Variants in NEB observed in about 807,000 individuals in gnomAD.
NEB encodes the protein nemaline myopathy type 2.
NEB carries 512 observed loss-of-function variants against 952.2 expected under a neutral mutation model. That is an observed-to-expected ratio of 0.54 (90% confidence interval 0.50 to 0.58). The LOEUF (loss-of-function observed/expected upper bound fraction) is 0.58. Ranked by LOEUF, NEB falls within the 20% of genes least tolerant of loss-of-function variation. The probability of loss-of-function intolerance (pLI) is 0.00; values close to 1 mark genes in which losing one functional copy is unlikely to be tolerated. For missense variants in NEB, 8,428 were observed against 9,231.1 expected (o/e 0.91, Z 3.56); for synonymous variants, 2,900 against 3,149.8 (o/e 0.92, Z 2.66).
intron 172 of NEB, 122 bp downstream of exon 172, chr2:151,496,819 T>A: frequency 8.2e-7 from 1 of 1,212,836 alleles, no homozygotes; most frequent in Non-Finnish European, 1.2e-6. Flanking sequence ...AAAGGATAAA[T>A]TTGCTAAAGA....
Position 151,709,761 on chromosome 2 carries a change from C to A in NEB, c.930G>T (p.Arg310Ser). The change falls in exon 12 of 182, where the codon AGG (arginine) becomes AGT (serine). Residue 310 changes from arginine (R) to serine (S), a missense_variant and splice_region_variant. By Grantham distance (110) the Arg-to-Ser change is moderately radical. This residue lies in a region of NEB where 2,851 missense variants were observed against 2,791.5 expected (regional missense o/e 1.02). Coordinates refer to ENST00000397345, the MANE Select transcript of NEB (RefSeq NM_001164508.2). ...ARMNADNIST[R>S]KYQEDFENMK... ...TGTTTTCAAAATCTTCCTGGTATTT[C>A]CTCTGTAAGACATCAGACAAGCTGA... 6.3e-7 allele frequency: 1 copy of A among 1,588,190 alleles called. No homozygotes were observed. The highest frequency in any genetic ancestry group is 8.6e-7 in the Non-Finnish European group (1 of 1,164,300).
chr2:151,554,175 C>A, intron 125 of NEB, 150 bp from the exon 126 acceptor site: 1 of 694,146 alleles, frequency 1.4e-6, no homozygotes, highest in Non-Finnish European at 2.5e-6. Context: ...AGATTAACAC[C>A]AAGGGAAATT....
chr2:151,527,126 A>T (rs1420034880), intron 147 of NEB, 104 bp from the exon 148 acceptor site: 1 of 721,326 alleles, frequency 1.4e-6, no homozygotes, highest in Non-Finnish European at 2.3e-6. Context: ...GAGGACAAAG[A>T]CTTGCTACCA....
At chr2:151,616,335 G>GA (rs770513568) in intron 75 of NEB, among the ~76,000 whole-genome samples, 2 of 151,780 alleles carry the variant, frequency 1.3e-5, no homozygotes, top group South Asian at 2.1e-4. Flanking sequence ...AAAATGTGGG[G>GA]AAAAAATCAA....
intron 116 of NEB, 96 bp from the exon 117 acceptor site, chr2:151,565,244 A>G (rs1413681978): frequency 1.3e-6 from 1 of 743,024 alleles, no homozygotes; most frequent in African/African-American, 1.8e-5. Flanking sequence ...TTAAAGATTA[A>G]AACTAACCAA....
intron 170 of NEB, 26 bp downstream of exon 170, chr2:151,498,233 AT>A (rs1052587221): frequency 1.7e-5 from 27 of 1,550,762 alleles, no homozygotes; most frequent in Admixed American, 3.9e-5. Flanking sequence ...GTTAAGTGGC[AT>A]TTTTTCCCCT....
rs974294626 is a variant in NEB at position 151,671,941 on chromosome 2, T to C, written c.4299+428A>G. ...TCCTGGTTAATTTTAGATGACTCATTACAGAGATTTACATGGATGACATTG... is the reference window on the plus strand; with the variant it reads ...TCCTGGTTAATTTTAGATGACTCATCACAGAGATTTACATGGATGACATTG... On this transcript the variant is annotated intron_variant, in intron 37 of 181. Transcript: ENST00000397345. 8.6e-5 allele frequency among the ~76,000 whole-genome samples: 13 copies of C among 151,896 alleles called. No individual in the cohort carries two copies. In the Middle Eastern group the frequency reaches 0.01, roughly 119 times the overall value.
intron 135 of NEB, among the ~76,000 whole-genome samples, chr2:151,545,273 T>C (rs2094534135): frequency 6.6e-6 from 1 of 152,082 alleles, no homozygotes; most frequent in South Asian, 2.1e-4. Context: ...ACAAAAATAA[T>C]AAGTAAAATT....
At position 151,491,692 on chromosome 2, in the gene NEB, T is replaced by G. The variant is rs147872436; in HGVS notation, c.25141A>C (p.Met8381Leu). 3.0e-5 allele frequency: 48 copies of G among 1,590,714 alleles called. No homozygotes were observed. In the African/African-American group the frequency reaches 6.2e-4, roughly 20 times the overall value. ...EDNIQSRSLH[M>L]INVQAQRRSR... ...TTTTCAGCTAACACACCATTAATCA[T>G]GTGTAAGCTTCGGGACTGGATGTTG... Residue 8381 changes from methionine (M) to leucine (L), a missense_variant, in exon 179 of 182, where the codon ATG becomes CTG. Coordinates refer to ENST00000397345, the MANE Select transcript of NEB (RefSeq NM_001164508.2).
At chr2:151,544,177 C>T (rs917250740) in intron 135 of NEB, among the ~76,000 whole-genome samples, 1 of 152,138 alleles carries the variant, frequency 6.6e-6, no homozygotes, top group African/African-American at 2.4e-5. Flanking sequence ...ATTCTTCTTC[C>T]TCAGTGCTGA....
At chr2:151,519,516 G>T (rs2080481918) in intron 154 of NEB, 142 bp downstream of exon 154, 2 of 670,654 alleles carry the variant, frequency 3.0e-6, no homozygotes, top group South Asian at 4.0e-5. Flanking sequence ...TATAGTTTCT[G>T]TTGGTATGAA....
chr2:151,682,434 A>G (rs114570062), intron 29 of NEB, among the ~76,000 whole-genome samples: 92 of 152,376 alleles, frequency 6.0e-4, no homozygotes, highest in African/African-American at 2.1e-3. Flanking sequence ...AACAAGTTAT[A>G]CCTTAATAAA....
Position 151,643,142 on chromosome 2 carries a change from G to T in NEB, c.8160+8C>A. 1 of 1,606,114 alleles carries T rather than the reference G, an allele frequency of 6.2e-7. No individual in the cohort carries two copies. Reference sequence around the variant, plus strand: ...TTAATAACCTCCTCAAACAAACATAGGACTTACATGATTCATGGTAATAGC... The same window carrying T: ...TTAATAACCTCCTCAAACAAACATATGACTTACATGATTCATGGTAATAGC... On this transcript the variant is annotated splice_region_variant and intron_variant, in intron 58 of 181. Coordinates refer to ENST00000397345, the MANE Select transcript of NEB (RefSeq NM_001164508.2).
chr2:151,610,505 A>C lies in NEB; in HGVS notation c.12018+11T>G, dbSNP rs1415777288. 1 of 1,585,686 alleles carries C rather than the reference A, an allele frequency of 6.3e-7. No individual in the cohort carries two copies. Among genetic ancestry groups the C allele is most frequent in the Admixed American group, 1.7e-5 (1 of 59,918 alleles). ...GTGGAGACCACAGAGAGTTAGATGG[A>C]AGGTACTCACGTCACTGGCGATGTC... On this transcript the variant is annotated intron_variant, in intron 80 of 181. Coordinates refer to ENST00000397345, the MANE Select transcript of NEB (RefSeq NM_001164508.2).
intron 70 of NEB, 42 bp from the exon 71 acceptor site, chr2:151,625,680 G>A (rs760537364): frequency 2.2e-6 from 3 of 1,391,630 alleles, no homozygotes; most frequent in Admixed American, 4.0e-5. Flanking sequence ...AAAACAGTTT[G>A]TTGTAAACAG....
In NEB at chr2:151,511,558, G is replaced by A. The variant is rs141925007; in HGVS notation, c.23346+1175C>T. Among the ~76,000 whole-genome samples, 349 of 152,242 alleles carry A rather than the reference G, an allele frequency of 2.3e-3. 8 individuals carry two copies. In the East Asian group the frequency reaches 0.045, roughly 20 times the overall value. ...TGGACCAGCGAATCTACATCCCCAG[G>A]TGCCTATAAAGCACAGCTAGGGCAC... On this transcript the variant is annotated intron_variant, in intron 161 of 181. Transcript: ENST00000397345.
chr2:151,651,253 T>C (rs1159367099), intron 52 of NEB, among the ~76,000 whole-genome samples: 1 of 152,220 alleles, frequency 6.6e-6, no homozygotes, highest in African/African-American at 2.4e-5. Context: ...TGATAAGAAA[T>C]TAATTCTAAC....
intron 175 of NEB, 73 bp from the exon 176 acceptor site, chr2:151,493,518 G>A: frequency 1.0e-6 from 1 of 980,406 alleles, no homozygotes; most frequent in Non-Finnish European, 1.5e-6. Flanking sequence ...CTTAGCTGGT[G>A]TTATGGCTCA....
chr2:151,508,930 A>AT (rs1354830901), intron 161 of NEB, among the ~76,000 whole-genome samples: 1 of 152,074 alleles, frequency 6.6e-6, no homozygotes, highest in Non-Finnish European at 1.5e-5. Flanking sequence ...TTAGAGCCTT[A>AT]TTTTTCTTTC....
Sources: gnomAD v4.1 joint callset for allele counts (sites outside exome capture counted in the v4.1 genomes callset) on GRCh38, gnomAD v4.1.1 for gene constraint, gnomAD v4.1.1 regional missense constraint, MANE v1.5 for transcripts, NCBI Gene and HGNC (gene_info 2026-07-23, HGNC 2026-07-21) for gene names.